The following MVD variants were observed in gnomAD, a reference collection of about 807,000 sequenced individuals.
The protein encoded by MVD is diphosphomevalonate decarboxylase.
In MVD, 52 loss-of-function variants were observed where a neutral mutation model predicts 42.4. That is an observed-to-expected ratio of 1.23 (90% CI 0.98 to 1.55). MVD has a LOEUF of 1.55. MVD is among the 40% of genes most tolerant of loss of function. MVD has a pLI of 0.00. For missense variants in MVD, 663 were observed against 572.1 expected (o/e 1.16, Z -1.62); for synonymous variants, 287 against 243.2 (o/e 1.18, Z -1.68).
intron 1 of MVD, 24 bp downstream of exon 1, chr16:88,662,987 C>G: frequency 6.3e-7 from 1 of 1,587,604 alleles, no homozygotes; most frequent in Non-Finnish European, 8.6e-7. Flanking sequence ...CCATCCCCGT[C>G]CCAGGCCGGC....
chr16:88,662,751 G>A (rs1056139884), intron 1 of MVD: 24 of 1,478,854 alleles, frequency 1.6e-5, no homozygotes, highest in Non-Finnish European at 2.1e-5. Flanking sequence ...CGATAGTTCG[G>A]TAATCGCTAA....
chr16:88,655,219 C>G lies in MVD; in HGVS notation c.877G>C (p.Ala293Pro). Residue 293 changes from alanine (A) to proline (P), a missense_variant, in exon 7 of 10, where the codon GCC (alanine) becomes CCC (proline). Physicochemically the swap from Ala to Pro is conservative, Grantham distance 27. Transcript: ENST00000301012. ...GTCACCTTGGTGTCCCCGTGGTGGG[C>G]GTTGAAGCGGTGCACCAGGTGGATG... Reference protein sequence around the residue: ...RIIHLVHRFNAHHGDTKVAYT... With the variant: ...RIIHLVHRFNPHHGDTKVAYT... 15 of 1,569,406 alleles carry G rather than the reference C, an allele frequency of 9.6e-6. No individual in the cohort carries two copies. Among genetic ancestry groups the G allele is most frequent in the Non-Finnish European group, 1.2e-5 (14 of 1,157,318 alleles).
In MVD at chr16:88,657,591, A is replaced by G; in HGVS notation, c.257-9T>C. On this transcript the variant is annotated splice_polypyrimidine_tract_variant and intron_variant, in intron 3 of 9. Coordinates refer to ENST00000301012, the MANE Select transcript of MVD (RefSeq NM_002461.3). ...CCGGGCCAGGCAGCGGACTGCAGAG[A>G]CAATGAGACAGCGTGTGGCCCAGCC... The G allele has an allele frequency of 6.2e-7, 1 of 1,610,548 alleles. No individual in the cohort carries two copies. The highest frequency in any genetic ancestry group is 8.5e-7 in the Non-Finnish European group (1 of 1,178,160).
rs200509037 is a variant in MVD at position 88,658,712 on chromosome 16, G to A, written c.79C>T (p.Arg27Cys). The A allele has an allele frequency of 1.2e-5, 20 of 1,612,080 alleles. No homozygotes were observed. The South Asian group carries it at 1.3e-4, about 11-fold the overall frequency. The change falls in exon 2 of 10, where the codon CGC becomes TGC. Residue 27 changes from arginine (R) to cysteine (C), a missense_variant. Arg to Cys is a radical substitution (Grantham distance 180). Coordinates refer to ENST00000301012, the MANE Select transcript of MVD (RefSeq NM_002461.3). ...NIAVIKYWGK[R>C]DEELVLPINS... ...ATGGGCAGAACCAGCTCTTCATCGC[G>A]CTTGCCCCCTGTAATGAACAGCCAG...
At chr16:88,653,012 AC>A (rs1167356068) in intron 9 of MVD, among the ~76,000 whole-genome samples, 1 of 151,710 alleles carries the variant, frequency 6.6e-6, no homozygotes, top group Non-Finnish European at 1.5e-5. Context: ...AGCAGCCCCC[AC>A]CCCAGGCGCT....
intron 1 of MVD, among the ~76,000 whole-genome samples, chr16:88,659,631 C>A (rs1908163069): frequency 6.6e-6 from 1 of 152,132 alleles, no homozygotes; most frequent in Non-Finnish European, 1.5e-5. Context: ...CCAAAGCCAG[C>A]CCTCCCTAGC....
At position 88,653,427 on chromosome 16, in the gene MVD, G is replaced by A. The variant is rs1567613169; in HGVS notation, c.1014-19C>T. 1.3e-6 allele frequency: 2 copies of A among 1,593,342 alleles called. No individual in the cohort carries two copies. Among genetic ancestry groups the A allele is most frequent in the Non-Finnish European group, 1.7e-6 (2 of 1,169,694 alleles). On this transcript the variant is annotated intron_variant, in intron 8 of 9. Coordinates refer to ENST00000301012, the MANE Select transcript of MVD (RefSeq NM_002461.3). ...CAGAAACCTGGAAAAGCAGGGCAGG[G>A]GCACGGTGAATGCATCCGTTTCTCT...
Position 88,653,327 on chromosome 16 carries a change from A to T in MVD, c.1095T>A (p.Gly365=). Residue 365 remains glycine, a synonymous_variant, in exon 9 of 10, where the codon GGT becomes GGA. Transcript: ENST00000301012. ...GAGTGACAATGATGTATTTGACCCC[A>T]CCGGGGGTCGGCTCCATGGCCAGCG... ...QAALAMEPTP[G]GVKYIIVTQV... is the part of the protein sequence containing the mutation. The T allele has an allele frequency of 1.2e-6, 2 of 1,600,886 alleles. No individual in the cohort carries two copies.
chr16:88,653,378 G>A lies in MVD; in HGVS notation c.1044C>T (p.Ala348=), dbSNP rs80223708. The change falls in exon 9 of 10, where the codon GCC becomes GCT. Residue 348 remains alanine (A), a synonymous_variant. Transcript: ENST00000301012. ...CAGCCTGAAGCTCAGCTGAGAGAGG[G>A]GCCGGCCTCACCTGCAGCCCCTTCA... ...TFLKGLQVRP[A]PLSAELQAAL... 82 of 1,602,090 alleles carry A rather than the reference G, an allele frequency of 5.1e-5. No individual in the cohort carries two copies. In the African/African-American group the frequency reaches 1.0e-3, roughly 20 times the overall value.
At chr16:88,653,106 G>A (rs1208833038) in intron 9 of MVD, among the ~76,000 whole-genome samples, 194 bp downstream of exon 9, 1 of 152,164 alleles carries the variant, frequency 6.6e-6, no homozygotes, top group East Asian at 1.9e-4. Context: ...GCGCAGCCCT[G>A]CTGCTCTGAG....
At chr16:88,658,831 G>C (rs1479647818) in intron 1 of MVD, 111 bp from the exon 2 acceptor site, 1 of 813,438 alleles carries the variant, frequency 1.2e-6, no homozygotes. Flanking sequence ...CCTCAGTCCC[G>C]TCTCTCACCG....
Position 88,656,275 on chromosome 16 carries a change from C to T in MVD, c.433G>A (p.Glu145Lys). The change falls in exon 5 of 10, where the codon GAG becomes AAG. Residue 145 changes from glutamate (E) to lysine (K), a missense_variant. Transcript: ENST00000301012. The part of the protein sequence containing the change: ...AYTLARVYGV[E>K]SDLSEVARRG... ...CGAGCCACTTCTGAGAGGTCACTCTCCACGCCGTAGACACGGGCCAGGGTG... is the reference window on the plus strand; with the variant it reads ...CGAGCCACTTCTGAGAGGTCACTCTTCACGCCGTAGACACGGGCCAGGGTG... 1 of 1,600,022 alleles carries T rather than the reference C, an allele frequency of 6.2e-7. No homozygotes were observed. The highest frequency in any genetic ancestry group is 8.5e-7 in the Non-Finnish European group (1 of 1,179,924).
In MVD at chr16:88,652,317, T is replaced by A; in HGVS notation, c.*208A>T. ...ATCTTGGCAAAGCGCTGGTGCAGCT[T>A]AGGGCAGCTGAAGCACTCGGCGGGG... On this transcript the variant is annotated 3_prime_UTR_variant, in exon 10 of 10. Transcript: ENST00000301012. The A allele has an allele frequency of 1.6e-6, 1 of 630,828 alleles. No homozygotes were observed. Among genetic ancestry groups the A allele is most frequent in the South Asian group, 1.8e-5 (1 of 55,682 alleles). 39.1% of individuals were successfully genotyped at this position (630,828 alleles called of 1,614,324 possible). A position where few individuals can be genotyped will look rare whatever the true frequency, so the allele number is the denominator to read the frequency against.
At chr16:88,662,482 G>A (rs960252924) in intron 1 of MVD, among the ~76,000 whole-genome samples, 2 of 152,236 alleles carry the variant, frequency 1.3e-5, no homozygotes, top group East Asian at 3.8e-4. Context: ...CACAGGTGCG[G>A]ACCGGCCTCC....
Position 88,653,343 on chromosome 16 carries a change from A to C in MVD, c.1079T>G (p.Met360Arg). ...TTTGACCCCACCGGGGGTCGGCTCC[A>C]TGGCCAGCGCAGCCTGAAGCTCAGC... is the stretch of plus-strand genomic sequence containing the variant. Reference protein sequence around the residue: ...LSAELQAALAMEPTPGGVKYI... With the variant: ...LSAELQAALAREPTPGGVKYI... The change falls in exon 9 of 10, where the codon ATG becomes AGG. Residue 360 changes from methionine (M) to arginine (R), a missense_variant. Transcript: ENST00000301012. The C allele has an allele frequency of 6.2e-7, 1 of 1,600,292 alleles. No homozygotes were observed. The highest frequency in any genetic ancestry group is 2.2e-5 in the East Asian group (1 of 44,674).
At chr16:88,659,442 A>T (rs1417024459) in intron 1 of MVD, 3 of 152,800 alleles carry the variant, frequency 2.0e-5, no homozygotes, top group Non-Finnish European at 4.4e-5. Context: ...CTCTGCTTTC[A>T]GGAAGGTGGG....
In MVD at chr16:88,658,727, T is replaced by G. The variant is rs1164823980; in HGVS notation, c.71-7A>C. 9 of 1,610,018 alleles carry G rather than the reference T, an allele frequency of 5.6e-6. No homozygotes were observed. The East Asian group carries it at 2.0e-4, about 36-fold the overall frequency. ...TCTTCATCGCGCTTGCCCCCTGTAA[T>G]GAACAGCCAGGGCCAGGCCGGTGGG... is the stretch of plus-strand genomic sequence containing the variant. On this transcript the variant is annotated splice_polypyrimidine_tract_variant and splice_region_variant and intron_variant, in intron 1 of 9. Coordinates refer to ENST00000301012, the MANE Select transcript of MVD (RefSeq NM_002461.3).
In MVD at chr16:88,655,198, C is replaced by T. The variant is rs1258524900; in HGVS notation, c.897+1G>A. On this transcript the variant is annotated splice_donor_variant, in intron 7 of 9. Coordinates refer to ENST00000301012, the MANE Select transcript of MVD (RefSeq NM_002461.3). LOFTEE classifies it high-confidence loss of function. ...GCCTCTGCCCTCCCGGCCCGCGTCACCTTGGTGTCCCCGTGGTGGGCGTTG... is the reference window on the plus strand; with the variant it reads ...GCCTCTGCCCTCCCGGCCCGCGTCATCTTGGTGTCCCCGTGGTGGGCGTTG... 1 of 1,558,076 alleles carries T rather than the reference C, an allele frequency of 6.4e-7. No individual in the cohort carries two copies. Among genetic ancestry groups the T allele is most frequent in the South Asian group, 1.2e-5 (1 of 84,508 alleles).
At chr16:88,659,404 C>T (rs899287629) in intron 1 of MVD, 6 of 152,472 alleles carry the variant, frequency 3.9e-5, no homozygotes, top group South Asian at 4.1e-4. Context: ...TGCAGGCGGA[C>T]GCCGCTGCCC....
Sources: gnomAD v4.1 joint callset for allele counts (sites outside exome capture counted in the v4.1 genomes callset) on GRCh38, gnomAD v4.1.1 for gene constraint, MANE v1.5 for transcripts, NCBI Gene and HGNC (gene_info 2026-07-23, HGNC 2026-07-21) for gene names.